Variants in FHOD3 observed in about 807,000 individuals in gnomAD.
FHOD3 encodes the protein formin homology 2 domain containing 3.
Under a neutral mutation model 173.0 loss-of-function variants are expected in FHOD3, and 90 were observed. The ratio of observed to expected loss-of-function variants is 0.52; its 90% CI spans 0.44 to 0.62. The LOEUF (loss-of-function observed/expected upper bound fraction) is 0.62, where lower values mean the gene tolerates loss of function less well. Ranked by LOEUF, FHOD3 falls within the 20% of genes least tolerant of loss-of-function variation. The pLI is 0.00. For synonymous variants in FHOD3, 828 were observed against 823.0 expected, an observed-to-expected ratio of 1.01 and a Z score of -0.10; for missense variants, 1,945 against 2,034.7, an observed-to-expected ratio of 0.96 and a Z score of 0.85.
chr18:36,743,163 G>A (rs147212984), intron 22 of FHOD3, among the ~76,000 whole-genome samples: 2 of 152,040 alleles, frequency 1.3e-5, no homozygotes, highest in African/African-American at 4.8e-5. Flanking sequence ...CAAAAAATTA[G>A]CCAGGCATGG....
intron 27 of FHOD3, among the ~76,000 whole-genome samples, chr18:36,763,684 TTC>T (rs1234648045): frequency 6.7e-6 from 1 of 150,354 alleles, no homozygotes; most frequent in Non-Finnish European, 1.5e-5. Context: ...TATTATATAT[TTC>T]TGTGTGTATA....
intron 5 of FHOD3, among the ~76,000 whole-genome samples, chr18:36,560,548 C>G (rs1356251349): frequency 6.6e-6 from 1 of 152,210 alleles, no homozygotes; most frequent in Non-Finnish European, 1.5e-5. Flanking sequence ...CCATTCCTGA[C>G]CATTGCAGTG....
At chr18:36,424,554 C>T (rs1318808155) in intron 3 of FHOD3, among the ~76,000 whole-genome samples, 1 of 152,110 alleles carries the variant, frequency 6.6e-6, no homozygotes, top group Non-Finnish European at 1.5e-5. Context: ...AGAATGGTGT[C>T]TGGTGCAAAG....
At chr18:36,367,783 G>A (rs994702830) in intron 2 of FHOD3, among the ~76,000 whole-genome samples, 4 of 152,182 alleles carry the variant, frequency 2.6e-5, no homozygotes, top group Admixed American at 1.3e-4. Context: ...ATCGTCAGGT[G>A]TGGAGGGAGG....
At chr18:36,680,702 T>TCCTTTGA (rs2038178317) in intron 14 of FHOD3, among the ~76,000 whole-genome samples, 1 of 152,258 alleles carries the variant, frequency 6.6e-6, no homozygotes, top group Non-Finnish European at 1.5e-5. Context: ...CCACTGCCTG[T>TCCTTTGA]CCTTTGACCA....
At chr18:36,693,469 A>G in intron 17 of FHOD3, 46 bp downstream of exon 17, 3 of 1,535,026 alleles carry the variant, frequency 2.0e-6, no homozygotes, top group Non-Finnish European at 1.8e-6. Flanking sequence ...TTAACATCAG[A>G]CAGGCTTCCT....
chr18:36,716,950 GTGTA>G (rs1274367639), intron 18 of FHOD3, among the ~76,000 whole-genome samples: 91 of 150,648 alleles, frequency 6.0e-4, no homozygotes, highest in East Asian at 1.6e-3. Context: ...GTGTGTGTGT[GTGTA>G]TGTGTTAATG....
Position 36,648,602 on chromosome 18 carries a change from C to T in FHOD3, c.1197-714C>T, listed in dbSNP as rs116859875. 4.5e-3 allele frequency among the ~76,000 whole-genome samples: 683 copies of T among 152,208 alleles called. 4 individuals are homozygous for T. The highest frequency in any genetic ancestry group is 6.9e-3 in the Non-Finnish European group (466 of 68,004). ...GGGGACTGCTTTCCTCTCCTTTTCT[C>T]CCAGTTTCAACTATGTTTTTCTTGG... is the stretch of plus-strand genomic sequence containing the variant. On this transcript the variant is annotated intron_variant, in intron 10 of 28. Coordinates refer to ENST00000590592, the MANE Select transcript of FHOD3 (RefSeq NM_001281740.3).
chr18:36,746,854 G>A, intron 23 of FHOD3, 91 bp from the exon 24 acceptor site: 1 of 956,880 alleles, frequency 1.0e-6, no homozygotes, highest in Non-Finnish European at 1.5e-6. Flanking sequence ...TCGTTTTGAT[G>A]TTTGTTTCTC....
intron 6 of FHOD3, among the ~76,000 whole-genome samples, chr18:36,583,735 A>G (rs988041741): frequency 6.6e-6 from 1 of 152,232 alleles, no homozygotes; most frequent in Admixed American, 6.5e-5. Flanking sequence ...CAAGGGGTTT[A>G]TGCTCTCATG....
Position 36,769,446 on chromosome 18 carries a change from G to A in FHOD3, c.4786+20G>A. 6.2e-7 allele frequency: 1 copy of A among 1,611,994 alleles called. No homozygotes were observed. Among genetic ancestry groups the A allele is most frequent in the South Asian group, 1.1e-5 (1 of 90,652 alleles). ...AATCTTGTGAGTGCATTAAAGGAGGGGCGAGCCTTCACCCCTACAGGGATC... is the reference window on the plus strand; with the variant it reads ...AATCTTGTGAGTGCATTAAAGGAGGAGCGAGCCTTCACCCCTACAGGGATC... On this transcript the variant is annotated intron_variant, in intron 28 of 28. Coordinates refer to ENST00000590592, the MANE Select transcript of FHOD3 (RefSeq NM_001281740.3).
chr18:36,657,904 T>C (rs1165232142), intron 13 of FHOD3, among the ~76,000 whole-genome samples, 171 bp from the exon 14 acceptor site: 1 of 152,168 alleles, frequency 6.6e-6, no homozygotes, highest in African/African-American at 2.4e-5. Context: ...TGAGAAATTA[T>C]CAGAAAAAAA....
At chr18:36,651,954 G>A (rs566859235) in intron 11 of FHOD3, among the ~76,000 whole-genome samples, 1 of 152,288 alleles carries the variant, frequency 6.6e-6, no homozygotes, top group South Asian at 2.1e-4. Context: ...GTAGTGGGAG[G>A]CCCTGGAGAA....
At chr18:36,647,086 C>T (rs1328077896) in intron 10 of FHOD3, among the ~76,000 whole-genome samples, 1 of 151,914 alleles carries the variant, frequency 6.6e-6, no homozygotes, top group Non-Finnish European at 1.5e-5. Flanking sequence ...AATAATAATA[C>T]AAAAAATTAG....
intron 4 of FHOD3, among the ~76,000 whole-genome samples, chr18:36,502,241 T>G (rs1302967622): frequency 1.7e-5 from 1 of 59,136 alleles, no homozygotes; most frequent in Non-Finnish European, 4.4e-5. Flanking sequence ...TTACTTCTAG[T>G]TTTTTTTTTT....
In FHOD3 at chr18:36,469,113, G is replaced by A. The variant is rs1041338242; in HGVS notation, c.338-32819G>A. On this transcript the variant is annotated intron_variant, in intron 3 of 28. Coordinates refer to ENST00000590592, the MANE Select transcript of FHOD3 (RefSeq NM_001281740.3). ...TTCCCCTTAGAACTGTGACCACTGT[G>A]ATGCCTGTTGAGAACAGGGGTGTAA... Among the ~76,000 whole-genome samples the A allele has an allele frequency of 2.0e-5, 3 of 152,264 alleles. No homozygotes were observed. In the East Asian group the frequency reaches 5.8e-4, roughly 29 times the overall value.
chr18:36,415,891 T>C (rs1201887286), intron 3 of FHOD3, among the ~76,000 whole-genome samples: 1 of 152,222 alleles, frequency 6.6e-6, no homozygotes, highest in Non-Finnish European at 1.5e-5. Context: ...ATTTGGTCTT[T>C]GATTGATGAA....
chr18:36,661,740 C>T (rs928908406), intron 14 of FHOD3, among the ~76,000 whole-genome samples: 16 of 152,116 alleles, frequency 1.1e-4, no homozygotes, highest in Non-Finnish European at 1.9e-4. Flanking sequence ...GATAAATTGA[C>T]ATAGGAAGGA....
chr18:36,718,723 T>C lies in FHOD3; in HGVS notation c.3417+8T>C. 1 of 1,607,284 alleles carries C rather than the reference T, an allele frequency of 6.2e-7. No individual in the cohort carries two copies. The highest frequency in any genetic ancestry group is 8.5e-7 in the Non-Finnish European group (1 of 1,175,788). ...GAACTGTCTGTCTCAAAGGTACTGC[T>C]AGTCTTCAGCATGCTTCTTGATTGG... On this transcript the variant is annotated splice_region_variant and intron_variant, in intron 19 of 28. Coordinates refer to ENST00000590592, the MANE Select transcript of FHOD3 (RefSeq NM_001281740.3).
Sources: gnomAD v4.1 joint callset for allele counts (sites outside exome capture counted in the v4.1 genomes callset) on GRCh38, gnomAD v4.1.1 for gene constraint, MANE v1.5 for transcripts, NCBI Gene and HGNC (gene_info 2026-07-23, HGNC 2026-07-21) for gene names.